SBK1: variants seen among roughly 807,000 people sequenced by gnomAD.
SBK1 encodes SH3 domain binding kinase 1.
SBK1 carries 11 observed loss-of-function variants against 24.4 expected under a neutral mutation model. That is an observed-to-expected ratio of 0.45 (90% CI 0.28 to 0.75). The LOEUF is 0.75. SBK1 is among the 30% of genes least tolerant of loss of function. The pLI is 0.12. For synonymous variants in SBK1, 308 were observed against 284.4 expected (o/e 1.08, Z -0.83); for missense variants, 467 against 620.5 (o/e 0.75, Z 2.63).
intron 2 of SBK1, among the ~76,000 whole-genome samples, chr16:28,318,432 A>C (rs1402509428): frequency 6.6e-6 from 1 of 152,208 alleles, no homozygotes; most frequent in Non-Finnish European, 1.5e-5. Flanking sequence ...TTCTCTGTAA[A>C]ATAGGGTAAC....
At chr16:28,279,199 G>A (rs1368227578) in intron 1 of SBK1, among the ~76,000 whole-genome samples, 2 of 137,106 alleles carry the variant, frequency 1.5e-5, no homozygotes, top group Non-Finnish European at 3.1e-5. Flanking sequence ...GACACAGCGA[G>A]ACTCTGTCAA....
chr16:28,291,331 G>A (rs2044597235), upstream of SBK1: 1 of 151,914 alleles, frequency 6.6e-6, no homozygotes, highest in Non-Finnish European at 1.5e-5. Flanking sequence ...CACAGGAAGG[G>A]GAACATCACA....
chr16:28,311,352 C>A (rs750787531), intron 1 of SBK1, among the ~76,000 whole-genome samples: 2 of 151,960 alleles, frequency 1.3e-5, no homozygotes, highest in Non-Finnish European at 2.9e-5. Context: ...AGGAGTGAGA[C>A]CTGGCGATGA....
chr16:28,259,302 C>G lies in SBK1; in HGVS notation c.57C>G (p.Thr19=). 5.0e-6 allele frequency: 1 copy of G among 198,160 alleles called. No individual in the cohort carries two copies. The highest frequency in any genetic ancestry group is 9.1e-6 in the Non-Finnish European group (1 of 110,042). 12.3% of individuals were successfully genotyped at this position (198,160 alleles called of 1,614,324 possible). A position where few individuals can be genotyped will look rare whatever the true frequency, so the allele number is the denominator to read the frequency against. Reference sequence around the variant, plus strand: ...GCCCTGAAGCCGACGGGCTGCTGACCCTGGAGCGCCCTGGCTCGGGGACTC... The same window carrying G: ...GCCCTGAAGCCGACGGGCTGCTGACGCTGGAGCGCCCTGGCTCGGGGACTC... The change falls in exon 1 of 4, where the codon ACC becomes ACG. Residue 19 remains threonine, a synonymous_variant. Transcript: ENST00000671413. This position sits in a 1 kb window ranked among gnomAD's most constrained non-coding sequence, Gnocchi z 6.0.
rs1478496388 is a variant in SBK1, at chr16:28,280,141, A to G, written c.257+20639A>G. 3.6e-3 allele frequency among the ~76,000 whole-genome samples: 209 copies of G among 58,216 alleles called. 2 individuals are homozygous for G. The highest frequency in any genetic ancestry group is 6.7e-3 in the Non-Finnish European group (152 of 22,574). 38.2% of individuals were successfully genotyped at this position (58,216 alleles called of 152,430 possible). On this transcript the variant is annotated intron_variant, in intron 1 of 3. Coordinates refer to the SBK1 transcript ENST00000671413. ...TATATATATATATATATATATATATATATATATATGTGTGTGTGTGTGTGT... is the reference window on the plus strand; with the variant it reads ...TATATATATATATATATATATATATGTATATATATGTGTGTGTGTGTGTGT...
At chr16:28,313,895 G>A (rs548565719) in intron 1 of SBK1, among the ~76,000 whole-genome samples, 18 of 152,194 alleles carry the variant, frequency 1.2e-4, no homozygotes, top group African/African-American at 4.3e-4. Flanking sequence ...GGGAGCCGCT[G>A]GGCTGCGAGA....
chr16:28,292,846 G>A lies in SBK1; in HGVS notation c.-462G>A. On this transcript the variant is annotated 5_prime_UTR_variant, in exon 1 of 4. Transcript: ENST00000341901. ...GCGACTCCCCTGCGGGGAAAGCGGA[G>A]ACTTCCTCGGTATTTAGAAGACAGC... 2 of 984,994 alleles carry A rather than the reference G, an allele frequency of 2.0e-6. No individual in the cohort carries two copies. Among genetic ancestry groups the A allele is most frequent in the Non-Finnish European group, 2.4e-6 (2 of 829,536 alleles). The allele number at this position is 984,994 out of a possible 1,614,324, so 61.0% of individuals were successfully genotyped here. A position where few individuals can be genotyped will look rare whatever the true frequency, so the allele number is the denominator to read the frequency against.
chr16:28,264,282 T>C (rs773395022), intron 1 of SBK1, among the ~76,000 whole-genome samples: 1 of 151,946 alleles, frequency 6.6e-6, no homozygotes, highest in East Asian at 1.9e-4. Context: ...AGGAAAAGAC[T>C]TGGTGAGAAC....
intron 1 of SBK1, among the ~76,000 whole-genome samples, chr16:28,280,577 G>C (rs1303609931): frequency 1.3e-5 from 2 of 151,918 alleles, no homozygotes; most frequent in Non-Finnish European, 2.9e-5. Flanking sequence ...GACAAGGGAT[G>C]GGGCCTCAGT....
intron 1 of SBK1, among the ~76,000 whole-genome samples, chr16:28,269,882 A>G (rs2044453748): frequency 6.6e-6 from 1 of 152,004 alleles, no homozygotes; most frequent in African/African-American, 2.4e-5. Context: ...TCTCAAACAA[A>G]CAAACAAACA....
intron 1 of SBK1, among the ~76,000 whole-genome samples, chr16:28,279,577 GA>G (rs2044516975): frequency 6.6e-6 from 1 of 152,138 alleles, no homozygotes. Context: ...CTTTCACCTC[GA>G]AAACTGTCAG....
chr16:28,273,630 T>C (rs1346162179), intron 1 of SBK1, among the ~76,000 whole-genome samples: 2 of 151,682 alleles, frequency 1.3e-5, no homozygotes, highest in East Asian at 3.9e-4. Context: ...GATGGGGTTA[T>C]GCCGTGTTAC....
At chr16:28,295,217 C>T (rs1359566532) in intron 1 of SBK1, among the ~76,000 whole-genome samples, 1 of 152,180 alleles carries the variant, frequency 6.6e-6, no homozygotes, top group African/African-American at 2.4e-5. Context: ...CCTCACTAAC[C>T]TGCAGTGGCT....
At chr16:28,280,351 AT>A (rs2044526596) in intron 1 of SBK1, among the ~76,000 whole-genome samples, 2 of 137,644 alleles carry the variant, frequency 1.5e-5, no homozygotes, top group Admixed American at 7.3e-5. Flanking sequence ...TATATATAAA[AT>A]ATATATATAT....
At chr16:28,287,197 T>G (rs1398658672) in intron 1 of SBK1, 2 of 149,626 alleles carry the variant, frequency 1.3e-5, no homozygotes, top group Admixed American at 1.3e-4. Context: ...TCCCAGCACT[T>G]TGGGAGGCCG....
chr16:28,273,022 G>T (rs565113670), intron 1 of SBK1, among the ~76,000 whole-genome samples: 1 of 151,818 alleles, frequency 6.6e-6, no homozygotes, highest in African/African-American at 2.4e-5. Context: ...TCTACATTTG[G>T]CTATTGTGAA....
chr16:28,316,978 G>T (rs1428402900), intron 1 of SBK1, among the ~76,000 whole-genome samples: 2 of 151,904 alleles, frequency 1.3e-5, no homozygotes, highest in East Asian at 3.9e-4. Flanking sequence ...CCAGGATTTC[G>T]AGACCAGCCT....
In SBK1 at chr16:28,322,931, C is replaced by A. The variant is rs28604268; in HGVS notation, c.*2010C>A. 7 of 55,392 alleles carry A rather than the reference C, an allele frequency of 1.3e-4. No homozygotes were observed. Among genetic ancestry groups the A allele is most frequent in the Non-Finnish European group, 1.8e-4 (5 of 28,010 alleles). The allele number at this position is 55,392 out of a possible 1,614,324, so 3.4% of individuals were successfully genotyped here. A position where few individuals can be genotyped will look rare whatever the true frequency, so the allele number is the denominator to read the frequency against. On this transcript the variant is annotated 3_prime_UTR_variant, in exon 4 of 4. Coordinates refer to ENST00000341901, the MANE Select transcript of SBK1 (RefSeq NM_001024401.3). ...CTCTCTCGCGCGCGCTCTCTCTCTC[C>A]CTCTCTCTCTCTCTCTCTCTCTCTC... is the stretch of plus-strand genomic sequence containing the variant.
At chr16:28,288,963 G>A (rs2044583027), upstream of SBK1, among the ~76,000 whole-genome samples, 1 of 152,160 alleles carries the variant, frequency 6.6e-6, no homozygotes, top group South Asian at 2.1e-4. Flanking sequence ...CACAATGCAT[G>A]CCAGCAAACC....
Sources: gnomAD v4.1 joint callset for allele counts (sites outside exome capture counted in the v4.1 genomes callset) on GRCh38, gnomAD v4.1.1 for gene constraint, Gnocchi (gnomAD v3.1) non-coding constraint, MANE v1.5 for transcripts, NCBI Gene and HGNC (gene_info 2026-07-23, HGNC 2026-07-21) for gene names.